UGGT1: variants seen among roughly 807,000 people sequenced by gnomAD.
UGGT1 encodes the protein UDP-glucose glycoprotein glucosyltransferase 1, also known as UDP-glucose:glycoprotein glucosyltransferase 1.
In UGGT1, 107 loss-of-function variants were observed where a neutral mutation model predicts 203.9. That is an observed-to-expected ratio of 0.52 (90% CI 0.45 to 0.62). The LOEUF (loss-of-function observed/expected upper bound fraction) is 0.62. UGGT1 is among the 20% of genes least tolerant of loss of function. The pLI is 0.00. For missense variants in UGGT1, 1,673 were observed against 1,867.2 expected, an observed-to-expected ratio of 0.90 and a Z score of 1.92; for synonymous variants, 628 against 653.5, an observed-to-expected ratio of 0.96 and a Z score of 0.59.
In UGGT1 at chr2:128,170,392, T is replaced by A. The variant is rs1364096179; in HGVS notation, c.3024+2T>A. On this transcript the variant is annotated splice_donor_variant, in intron 27 of 40. Coordinates refer to ENST00000259253, the MANE Select transcript of UGGT1 (RefSeq NM_020120.4). LOFTEE classifies it high-confidence loss of function. The stretch of plus-strand genomic sequence containing the variant: ...CAGAGACTTGCTCCTTTGCTCTTGG[T>A]AGGAACGCTGTGCAGGAAGTGTACA... 1.9e-6 allele frequency: 3 copies of A among 1,613,098 alleles called. No individual in the cohort carries two copies. Among genetic ancestry groups the A allele is most frequent in the Non-Finnish European group, 2.5e-6 (3 of 1,179,122 alleles).
At chr2:128,167,245 ATCT>A (rs1195879717) in intron 26 of UGGT1, among the ~76,000 whole-genome samples, 1 of 152,144 alleles carries the variant, frequency 6.6e-6, no homozygotes, top group Non-Finnish European at 1.5e-5. Flanking sequence ...CTTTTCAGAA[ATCT>A]TCTTCTCCAT....
chr2:128,095,444 C>T (rs1687072254), intron 1 of UGGT1, among the ~76,000 whole-genome samples: 1 of 146,566 alleles, frequency 6.8e-6, no homozygotes, highest in Non-Finnish European at 1.5e-5. Flanking sequence ...TTCTCTTCCT[C>T]CTTCTTTCTT....
chr2:128,138,957 G>A (rs1446541095), intron 16 of UGGT1, 105 bp downstream of exon 16: 3 of 1,435,192 alleles, frequency 2.1e-6, no homozygotes, highest in African/African-American at 1.4e-5. Flanking sequence ...ATAGAGCTCA[G>A]GGGTGGGTCC....
intron 19 of UGGT1, among the ~76,000 whole-genome samples, chr2:128,154,734 G>A (rs1180434182): frequency 6.6e-6 from 1 of 151,982 alleles, no homozygotes; most frequent in Non-Finnish European, 1.5e-5. Context: ...CATGTGCACA[G>A]ATGAATAAAT....
At chr2:128,177,159 A>C (rs1691439018) in intron 32 of UGGT1, among the ~76,000 whole-genome samples, 1 of 152,170 alleles carries the variant, frequency 6.6e-6, no homozygotes, top group Non-Finnish European at 1.5e-5. Flanking sequence ...TTATATAGCC[A>C]CAATTCATAG....
chr2:128,163,136 C>T (rs902163515), intron 25 of UGGT1, among the ~76,000 whole-genome samples: 4 of 152,126 alleles, frequency 2.6e-5, no homozygotes, highest in Admixed American at 6.5e-5. Context: ...CTCCAGTCCA[C>T]GTAACCAAGT....
In UGGT1 at chr2:128,116,357, G is replaced by T; in HGVS notation, c.872+14G>T. ...TGGAAAATTAAGGTATGTATGTTCT[G>T]TGTATTTTGGGAAACGCCCTCATTT... On this transcript the variant is annotated intron_variant, in intron 8 of 40. Coordinates refer to ENST00000259253, the MANE Select transcript of UGGT1 (RefSeq NM_020120.4). 1 of 1,558,624 alleles carries T rather than the reference G, an allele frequency of 6.4e-7. No individual in the cohort carries two copies. Among genetic ancestry groups the T allele is most frequent in the Non-Finnish European group, 8.8e-7 (1 of 1,132,274 alleles).
Position 128,145,787 on chromosome 2 carries a change from G to A in UGGT1, c.1852-16G>A. The A allele has an allele frequency of 6.5e-7, 1 of 1,546,266 alleles. No individual in the cohort carries two copies. The highest frequency in any genetic ancestry group is 8.7e-7 in the Non-Finnish European group (1 of 1,144,216). ...AAGGCAAAAATATACTGTTTTTGTG[G>A]TTACTTGTGTTTCAGGAAGCAAGAG... is the stretch of plus-strand genomic sequence containing the variant. On this transcript the variant is annotated splice_polypyrimidine_tract_variant and intron_variant, in intron 17 of 40. Transcript: ENST00000259253.
chr2:128,185,279 A>G (rs1028120860), intron 38 of UGGT1, among the ~76,000 whole-genome samples: 1 of 148,640 alleles, frequency 6.7e-6, no homozygotes, highest in African/African-American at 2.5e-5. Context: ...AGCTCACTGC[A>G]ACCTCAGCCT....
intron 26 of UGGT1, among the ~76,000 whole-genome samples, chr2:128,168,275 T>C (rs1362979597): frequency 6.6e-6 from 1 of 152,148 alleles, no homozygotes; most frequent in African/African-American, 2.4e-5. Context: ...TGTATTAGAG[T>C]AACAGAAGTT....
chr2:128,179,763 A>G (rs1691589999), intron 34 of UGGT1, 23 bp from the exon 35 acceptor site: 1 of 1,592,800 alleles, frequency 6.3e-7, no homozygotes, highest in Non-Finnish European at 8.6e-7. Context: ...AGCTGTTATT[A>G]ATTACCTGCT....
chr2:128,171,297 A>G lies in UGGT1; in HGVS notation c.3104+13A>G, dbSNP rs556598010. 74 of 1,606,926 alleles carry G rather than the reference A, an allele frequency of 4.6e-5. 1 individual carries two copies. The South Asian group carries it at 6.7e-4, about 15-fold the overall frequency. ...TGCCTTTAAAAAGGTAAAACATGCT[A>G]TGTAAGAAAACAGTTGAAGAAATTG... On this transcript the variant is annotated intron_variant, in intron 28 of 40. Transcript: ENST00000259253.
intron 8 of UGGT1, among the ~76,000 whole-genome samples, chr2:128,118,507 G>A (rs1259235557): frequency 6.6e-6 from 1 of 152,080 alleles, no homozygotes; most frequent in Non-Finnish European, 1.5e-5. Context: ...TCAAGTGATT[G>A]TCCTGCCTTG....
At chr2:128,146,675 C>G (rs897574953) in intron 18 of UGGT1, among the ~76,000 whole-genome samples, 2 of 152,030 alleles carry the variant, frequency 1.3e-5, no homozygotes. Flanking sequence ...TAACTACCAC[C>G]TCTAATTTTC....
At chr2:128,105,458 C>T (rs563108193) in intron 3 of UGGT1, among the ~76,000 whole-genome samples, 72 of 151,160 alleles carry the variant, frequency 4.8e-4, no homozygotes, top group Non-Finnish European at 7.7e-4. Context: ...GGATTACAGG[C>T]GTGAGTGACT....
At chr2:128,127,483 GT>G (rs774061882) in intron 12 of UGGT1, 31 bp downstream of exon 12, 3 of 1,511,348 alleles carry the variant, frequency 2.0e-6, no homozygotes, top group Admixed American at 3.4e-5. Flanking sequence ...TCTCTGAAAA[GT>G]TTTTGTAATG....
chr2:128,170,274 T>C lies in UGGT1; in HGVS notation c.2922-14T>C, dbSNP rs780520189. On this transcript the variant is annotated splice_polypyrimidine_tract_variant and intron_variant, in intron 26 of 40. Transcript: ENST00000259253. Reference sequence around the variant, plus strand: ...TGTCCTCCAGGTTAATGTTTTATCCTTGTGATCTTTCAGTGCAATCAAACT... The same window carrying C: ...TGTCCTCCAGGTTAATGTTTTATCCCTGTGATCTTTCAGTGCAATCAAACT... The C allele has an allele frequency of 1.2e-6, 2 of 1,612,942 alleles. No individual in the cohort carries two copies. Among genetic ancestry groups the C allele is most frequent in the Non-Finnish European group, 1.7e-6 (2 of 1,178,934 alleles).
At chr2:128,114,193 C>T (rs1053436378) in intron 6 of UGGT1, among the ~76,000 whole-genome samples, 3 of 152,178 alleles carry the variant, frequency 2.0e-5, no homozygotes, top group African/African-American at 7.2e-5. Context: ...TTTCAGCTCA[C>T]TGCAACCTCC....
intron 40 of UGGT1, among the ~76,000 whole-genome samples, chr2:128,187,939 C>A (rs1468580248): frequency 1.3e-4 from 20 of 148,742 alleles, no homozygotes; most frequent in Admixed American, 1.3e-3. Context: ...TTCTTAGATT[C>A]CTTGTTTTTT....
Sources: gnomAD v4.1 joint callset for allele counts (sites outside exome capture counted in the v4.1 genomes callset) on GRCh38, gnomAD v4.1.1 for gene constraint, MANE v1.5 for transcripts, NCBI Gene and HGNC (gene_info 2026-07-23, HGNC 2026-07-21) for gene names.